CKAP5: variants seen among roughly 807,000 people sequenced by gnomAD.
CKAP5 encodes the protein cytoskeleton associated protein 5.
Under a neutral mutation model 232.8 loss-of-function variants are expected in CKAP5, and 27 were observed. That is an observed-to-expected ratio of 0.12 (90% CI 0.09 to 0.16). CKAP5 has a LOEUF of 0.16. CKAP5 is among the 10% of genes least tolerant of loss of function. The pLI, the probability that CKAP5 is intolerant of heterozygous loss-of-function variation, is 1.00. For missense variants in CKAP5, 1,838 were observed against 2,424.7 expected (o/e 0.76, Z 5.08); for synonymous variants, 785 against 841.1 (o/e 0.93, Z 1.16).
At chr11:46,842,839 C>T (rs1358918362) in intron 1 of CKAP5, among the ~76,000 whole-genome samples, 11 of 151,588 alleles carry the variant, frequency 7.3e-5, no homozygotes, top group African/African-American at 2.7e-4. Flanking sequence ...TGGTAGCGGG[C>T]GCCTGTAGTC....
intron 1 of CKAP5, chr11:46,826,709 A>C (rs1256206645): frequency 2.0e-5 from 3 of 152,510 alleles, no homozygotes; most frequent in African/African-American, 7.2e-5. Flanking sequence ...GTCCACCAGG[A>C]CTTGCAGCAC....
intron 8 of CKAP5, among the ~76,000 whole-genome samples, 185 bp downstream of exon 8, chr11:46,807,846 T>C (rs913237439): frequency 3.3e-5 from 5 of 152,160 alleles, no homozygotes; most frequent in South Asian, 2.1e-4. Flanking sequence ...AAAACAAAGA[T>C]TGAAAATGAA....
At chr11:46,744,679 A>G (rs2065009711) in intron 42 of CKAP5, 102 bp from the exon 43 acceptor site, 6 of 1,158,060 alleles carry the variant, frequency 5.2e-6, no homozygotes, top group Non-Finnish European at 7.4e-6. Flanking sequence ...AGAATTTCCT[A>G]TACTTGAAAA....
At chr11:46,772,929 A>G (rs2065260176) in intron 24 of CKAP5, among the ~76,000 whole-genome samples, 1 of 152,022 alleles carries the variant, frequency 6.6e-6, no homozygotes, top group South Asian at 2.1e-4. Context: ...TTTGGTAGAG[A>G]CGGGGTTTCA....
intron 4 of CKAP5, among the ~76,000 whole-genome samples, chr11:46,813,697 G>T (rs1939326667): frequency 6.6e-6 from 1 of 152,110 alleles, no homozygotes; most frequent in Non-Finnish European, 1.5e-5. Flanking sequence ...ACCACACAGG[G>T]ATGGGACTAC....
intron 8 of CKAP5, among the ~76,000 whole-genome samples, chr11:46,807,331 T>G (rs1246895008): frequency 6.6e-6 from 1 of 152,220 alleles, no homozygotes; most frequent in Non-Finnish European, 1.5e-5. Flanking sequence ...GACTTAGGTG[T>G]GCGTATAATT....
chr11:46,797,683 C>T lies in CKAP5; in HGVS notation c.1338+122G>A, dbSNP rs796584549. 29 of 946,190 alleles carry T rather than the reference C, an allele frequency of 3.1e-5. No individual in the cohort carries two copies. In the African/African-American group the frequency reaches 4.6e-4, roughly 15 times the overall value. The allele number at this position is 946,190 out of a possible 1,614,324, so 58.6% of individuals were successfully genotyped here. A position where few individuals can be genotyped will look rare whatever the true frequency, so the allele number is the denominator to read the frequency against. ...ATTCAGTTTCCAAGCTGCAAAGGCT[C>T]TGCTCCTCAAAAGATCATAACCTCT... is the stretch of plus-strand genomic sequence containing the variant. On this transcript the variant is annotated intron_variant, in intron 11 of 43. Transcript: ENST00000529230.
intron 20 of CKAP5, among the ~76,000 whole-genome samples, chr11:46,779,591 C>T (rs2065321490): frequency 6.6e-6 from 1 of 151,936 alleles, no homozygotes; most frequent in African/African-American, 2.4e-5. Flanking sequence ...CTGATCTGCA[C>T]TGGAGTTTTG....
intron 17 of CKAP5, among the ~76,000 whole-genome samples, chr11:46,783,822 C>T (rs2065363028): frequency 6.6e-6 from 1 of 151,954 alleles, no homozygotes; most frequent in Non-Finnish European, 1.5e-5. Context: ...TCTCCTGCCT[C>T]AGCCTCCCTA....
chr11:46,832,017 A>G (rs1361439292), intron 1 of CKAP5, among the ~76,000 whole-genome samples: 1 of 151,370 alleles, frequency 6.6e-6, no homozygotes, highest in Non-Finnish European at 1.5e-5. Context: ...GGTGTTTGCC[A>G]CCATGCCCAA....
intron 1 of CKAP5, among the ~76,000 whole-genome samples, chr11:46,831,164 C>A (rs1190959147): frequency 6.6e-6 from 1 of 152,108 alleles, no homozygotes; most frequent in Non-Finnish European, 1.5e-5. Flanking sequence ...CTTTAATACC[C>A]ATCCATGCCT....
intron 24 of CKAP5, among the ~76,000 whole-genome samples, chr11:46,773,437 TG>T (rs1565728194): frequency 3.3e-5 from 5 of 151,716 alleles, no homozygotes. Context: ...TTGGTAGAGA[TG>T]GGGTTTCACC....
chr11:46,743,891 C>G lies in CKAP5; in HGVS notation c.*132G>C. On this transcript the variant is annotated 3_prime_UTR_variant, in exon 44 of 44. Transcript: ENST00000529230. ...TACAAATACTTGTGCCACAATGACT[C>G]CTCCCCCTAGCTCCACGGCATGATA... 1 of 1,117,766 alleles carries G rather than the reference C, an allele frequency of 8.9e-7. No individual in the cohort carries two copies. Among genetic ancestry groups the G allele is most frequent in the Non-Finnish European group, 1.3e-6 (1 of 769,944 alleles). The allele number at this position is 1,117,766 out of a possible 1,614,324, so 69.2% of individuals were successfully genotyped here. A position where few individuals can be genotyped will look rare whatever the true frequency, so the allele number is the denominator to read the frequency against.
At chr11:46,806,364 T>G (rs1447328973) in intron 8 of CKAP5, among the ~76,000 whole-genome samples, 1 of 152,318 alleles carries the variant, frequency 6.6e-6, no homozygotes, top group South Asian at 2.1e-4. Flanking sequence ...CTTTGACACA[T>G]CGAGAATTCA....
chr11:46,782,662 CCTAA>C (rs905162567), intron 18 of CKAP5, among the ~76,000 whole-genome samples: 8 of 152,220 alleles, frequency 5.3e-5, no homozygotes, highest in African/African-American at 1.9e-4. Flanking sequence ...TTGCCACTTT[CCTAA>C]CTATGATGGG....
intron 12 of CKAP5, 37 bp from the exon 13 acceptor site, chr11:46,795,813 A>G (rs1403178791): frequency 2.0e-6 from 3 of 1,527,986 alleles, no homozygotes; most frequent in Non-Finnish European, 2.7e-6. Context: ...CATTAAGCCC[A>G]ACTTTGAAAC....
At chr11:46,798,833 T>C (rs1012128634) in intron 9 of CKAP5, among the ~76,000 whole-genome samples, 1 of 152,214 alleles carries the variant, frequency 6.6e-6, no homozygotes, top group Non-Finnish European at 1.5e-5. Context: ...AATTTTATAG[T>C]ATGCAAGTTT....
intron 28 of CKAP5, 97 bp downstream of exon 28, chr11:46,765,034 C>T (rs2065189853): frequency 8.9e-7 from 1 of 1,119,306 alleles, no homozygotes; most frequent in Middle Eastern, 2.4e-4. Context: ...ACACTTAATT[C>T]CTAGATATTA....
At chr11:46,810,649 T>C (rs1755893452) in intron 5 of CKAP5, among the ~76,000 whole-genome samples, 1 of 152,164 alleles carries the variant, frequency 6.6e-6, no homozygotes, top group Non-Finnish European at 1.5e-5. Context: ...TTTTACAGCA[T>C]AAGTCAAACC....
Sources: gnomAD v4.1 joint callset for allele counts (sites outside exome capture counted in the v4.1 genomes callset) on GRCh38, gnomAD v4.1.1 for gene constraint, MANE v1.5 for transcripts, NCBI Gene and HGNC (gene_info 2026-07-23, HGNC 2026-07-21) for gene names.